GRIN2A: variants seen among roughly 807,000 people sequenced by gnomAD.
GRIN2A encodes glutamate ionotropic receptor NMDA type subunit 2A.
GRIN2A carries 22 observed loss-of-function variants against 113.4 expected under a neutral mutation model. The ratio of observed to expected loss-of-function variants is 0.19; its 90% CI spans 0.14 to 0.28. The LOEUF (loss-of-function observed/expected upper bound fraction) is 0.28. Ranked by LOEUF, GRIN2A falls within the 10% of genes least tolerant of loss-of-function variation. The pLI, the probability that GRIN2A is intolerant of heterozygous loss-of-function variation, is 1.00. For synonymous variants in GRIN2A, 827 were observed against 738.4 expected, an observed-to-expected ratio of 1.12 and a Z score of -1.94; for missense variants, 1,502 against 1,887.0, an observed-to-expected ratio of 0.80 and a Z score of 3.78.
At chr16:9,926,980 C>T (rs893492639) in intron 3 of GRIN2A, among the ~76,000 whole-genome samples, 33 of 151,384 alleles carry the variant, frequency 2.2e-4, no homozygotes, top group East Asian at 2.1e-3. Context: ...CTCTGAAAGT[C>T]GTAACGTGGG....
chr16:10,138,652 C>G (rs2049254556), intron 2 of GRIN2A, among the ~76,000 whole-genome samples: 1 of 152,112 alleles, frequency 6.6e-6, no homozygotes, highest in Admixed American at 6.5e-5. Flanking sequence ...ATCAGAGACA[C>G]TGTGCACTCT....
intron 11 of GRIN2A, among the ~76,000 whole-genome samples, chr16:9,772,303 AC>A (rs1901320807): frequency 6.6e-6 from 1 of 152,188 alleles, no homozygotes; most frequent in Admixed American, 6.5e-5. Context: ...TCCTCTTCTC[AC>A]AAAAACACCA....
intron 2 of GRIN2A, among the ~76,000 whole-genome samples, chr16:10,052,075 G>C (rs7203194): frequency 0.14 from 21,419 of 152,194 alleles, 2,108 homozygotes; most frequent in African/African-American, 0.27. Context: ...GTCTCTGAAA[G>C]ACAAGGATAG....
chr16:10,109,455 G>A (rs891187096), intron 2 of GRIN2A, among the ~76,000 whole-genome samples: 3 of 152,032 alleles, frequency 2.0e-5, no homozygotes, highest in South Asian at 4.2e-4. Flanking sequence ...AAAACCAGAG[G>A]AAGCCATTAT....
At chr16:9,780,587 A>G (rs1251627140) in intron 11 of GRIN2A, among the ~76,000 whole-genome samples, 1 of 152,234 alleles carries the variant, frequency 6.6e-6, no homozygotes, top group Non-Finnish European at 1.5e-5. Context: ...GGCCATGAGG[A>G]AGCTTTCTAG....
rs146867324 is a variant in GRIN2A, at chr16:9,938,027, G to A, written c.939C>T (p.Ile313=). 6.0e-4 allele frequency: 967 copies of A among 1,613,944 alleles called. 1 individual carries two copies. Among genetic ancestry groups the A allele is most frequent in the Non-Finnish European group, 7.8e-4 (926 of 1,179,986 alleles). ...CGTAGCAGCTGGCCTTGGCCTCGGG[G>A]ATGTAGGAGAACTTCTCCAGCATAG... is the stretch of plus-strand genomic sequence containing the variant. The part of the protein sequence containing the change: ...ASSMLEKFSY[I]PEAKASCYGQ... Residue 313 remains isoleucine, a synonymous_variant, in exon 3 of 13, where the codon ATC becomes ATT. Coordinates refer to ENST00000330684, the MANE Select transcript of GRIN2A (RefSeq NM_001134407.3).
chr16:10,044,376 CAT>C (rs914198057), intron 2 of GRIN2A, among the ~76,000 whole-genome samples: 10 of 151,766 alleles, frequency 6.6e-5, no homozygotes, highest in African/African-American at 2.4e-4. Flanking sequence ...TTTTTAAAAT[CAT>C]GTGTACATGG....
intron 2 of GRIN2A, among the ~76,000 whole-genome samples, chr16:9,948,004 TC>T (rs1277616602): frequency 3.3e-5 from 5 of 152,014 alleles, no homozygotes; most frequent in Non-Finnish European, 7.4e-5. Context: ...TACAAACAGC[TC>T]CCCTGTGGCT....
intron 2 of GRIN2A, among the ~76,000 whole-genome samples, chr16:10,085,310 G>A (rs938436542): frequency 6.6e-6 from 1 of 152,176 alleles, no homozygotes; most frequent in Non-Finnish European, 1.5e-5. Context: ...TATGCTAACA[G>A]AATGGCTAAG....
intron 2 of GRIN2A, among the ~76,000 whole-genome samples, chr16:10,029,988 CTCTG>C (rs2141921550): frequency 1.3e-5 from 2 of 152,004 alleles, no homozygotes; most frequent in East Asian, 3.9e-4. Context: ...CAGAGTGAGA[CTCTG>C]TCTCCAAAAA....
intron 2 of GRIN2A, among the ~76,000 whole-genome samples, chr16:10,142,782 T>C (rs2049353813): frequency 1.3e-5 from 2 of 152,242 alleles, no homozygotes; most frequent in Non-Finnish European, 2.9e-5. Context: ...TCCCTGTCTC[T>C]GAATCAGACC....
At chr16:9,992,742 T>G (rs114140670) in intron 2 of GRIN2A, among the ~76,000 whole-genome samples, 2,043 of 152,250 alleles carry the variant, frequency 0.013, 48 homozygotes, top group African/African-American at 0.047. Context: ...ACAGTTCACA[T>G]GGAAGTGTGG....
chr16:9,763,145 A>T lies in GRIN2A; in HGVS notation c.*4T>A. On this transcript the variant is annotated 3_prime_UTR_variant, in exon 13 of 13. Transcript: ENST00000330684. ...CCTATAGATAAAACATTAATGGAAGATTTTTAAACATCAGATTCGATACTA... is the reference window on the plus strand; with the variant it reads ...CCTATAGATAAAACATTAATGGAAGTTTTTTAAACATCAGATTCGATACTA... 6.2e-7 allele frequency: 1 copy of T among 1,613,636 alleles called. No homozygotes were observed. Among genetic ancestry groups the T allele is most frequent in the Non-Finnish European group, 8.5e-7 (1 of 1,179,598 alleles).
At chr16:10,165,667 G>A (rs1011366954) in intron 2 of GRIN2A, among the ~76,000 whole-genome samples, 3 of 125,532 alleles carry the variant, frequency 2.4e-5, no homozygotes, top group African/African-American at 8.9e-5. Flanking sequence ...CAGAGAGAGA[G>A]AGAAGAGGAG....
intron 10 of GRIN2A, among the ~76,000 whole-genome samples, chr16:9,799,882 T>C (rs553911787): frequency 6.6e-6 from 1 of 152,156 alleles, no homozygotes; most frequent in Non-Finnish European, 1.5e-5. Flanking sequence ...AAATGTGGAA[T>C]GTTATCATTT....
At chr16:9,928,893 A>G (rs2044526498) in intron 3 of GRIN2A, among the ~76,000 whole-genome samples, 1 of 152,160 alleles carries the variant, frequency 6.6e-6, no homozygotes, top group African/African-American at 2.4e-5. Context: ...GATGCACCCA[A>G]CCCAGATATA....
rs181191187 is a variant in GRIN2A at position 10,159,486 on chromosome 16, G to T, written c.414+20512C>A. 5.5e-3 allele frequency among the ~76,000 whole-genome samples: 833 copies of T among 152,306 alleles called. 12 individuals are homozygous for T. The highest frequency in any genetic ancestry group is 0.019 in the African/African-American group (803 of 41,564). On this transcript the variant is annotated intron_variant, in intron 2 of 12. Coordinates refer to ENST00000330684, the MANE Select transcript of GRIN2A (RefSeq NM_001134407.3). Reference sequence around the variant, plus strand: ...CTATATCTAGAGAAGAGGAGCTGATGGGATGCTTGGAGGGCTCTCGCCTGT... The same window carrying T: ...CTATATCTAGAGAAGAGGAGCTGATTGGATGCTTGGAGGGCTCTCGCCTGT...
chr16:10,101,110 C>T (rs2048386238), intron 2 of GRIN2A, among the ~76,000 whole-genome samples: 1 of 152,234 alleles, frequency 6.6e-6, no homozygotes, highest in African/African-American at 2.4e-5. Flanking sequence ...GGCCCGGCAA[C>T]TTCTGCCCAA....
At chr16:10,139,710 G>A (rs1596545736) in intron 2 of GRIN2A, among the ~76,000 whole-genome samples, 1 of 152,322 alleles carries the variant, frequency 6.6e-6, no homozygotes, top group East Asian at 1.9e-4. Flanking sequence ...ATACCCAAGA[G>A]GTTGTAAGTT....
Sources: gnomAD v4.1 joint callset for allele counts (sites outside exome capture counted in the v4.1 genomes callset) on GRCh38, gnomAD v4.1.1 for gene constraint, MANE v1.5 for transcripts, NCBI Gene and HGNC (gene_info 2026-07-23, HGNC 2026-07-21) for gene names.